MACF1: variants seen among roughly 807,000 people sequenced by gnomAD.
MACF1 encodes microtubule actin crosslinking factor 1.
In MACF1, 193 loss-of-function variants were observed where a neutral mutation model predicts 854.8. That is an observed-to-expected ratio of 0.23 (90% confidence interval 0.20 to 0.25). The LOEUF is 0.25. Among genes scored for constraint, MACF1 ranks in the 10% least tolerant of loss-of-function variants. The pLI, the probability that MACF1 is intolerant of heterozygous loss-of-function variation, is 1.00. For synonymous variants in MACF1, 3,185 were observed against 3,226.7 expected (o/e 0.99, Z 0.44); for missense variants, 7,722 against 8,929.1 (o/e 0.86, Z 5.45).
At chr1:39,243,035 G>A (rs892312447) in intron 2 of MACF1, among the ~76,000 whole-genome samples, 8 of 152,158 alleles carry the variant, frequency 5.3e-5, no homozygotes, top group African/African-American at 9.7e-5. Flanking sequence ...ATTTTCGAAA[G>A]CAACTGCACC....
At chr1:39,267,035 AC>A (rs1645241643) in intron 6 of MACF1, among the ~76,000 whole-genome samples, 1 of 152,310 alleles carries the variant, frequency 6.6e-6, no homozygotes, top group East Asian at 1.9e-4. Flanking sequence ...CAGTCTAATT[AC>A]CAATTCAGAA....
At chr1:39,379,114 A>G in intron 53 of MACF1, 89 bp from the exon 54 acceptor site, 1 of 1,306,830 alleles carries the variant, frequency 7.7e-7, no homozygotes, top group Non-Finnish European at 1.1e-6. Flanking sequence ...TAGAAGGAGT[A>G]AGAGAGATGC....
At chr1:39,111,366 T>TTTTA (rs34525332) in intron 2 of MACF1, among the ~76,000 whole-genome samples, 25,142 of 148,130 alleles carry the variant, frequency 0.17, 2,332 homozygotes, top group Non-Finnish European at 0.21. Flanking sequence ...CAGCTAATTA[T>TTTTA]TTTATTTATT....
intron 47 of MACF1, among the ~76,000 whole-genome samples, chr1:39,360,188 T>C (rs924679483): frequency 1.3e-5 from 2 of 150,916 alleles, no homozygotes; most frequent in Non-Finnish European, 3.0e-5. Context: ...TGTGAGGTAA[T>C]GCATATGTTA....
rs1005625279 is a variant in MACF1 at position 39,095,207 on chromosome 1, C to A, written c.220+10769C>A. Among the ~76,000 whole-genome samples the A allele has an allele frequency of 5.3e-5, 8 of 152,190 alleles. 1 individual carries two copies. Among genetic ancestry groups the A allele is most frequent in the Middle Eastern group, 3.4e-3 (1 of 294 alleles). On this transcript the variant is annotated intron_variant, in intron 2 of 93. Coordinates refer to the MACF1 transcript ENST00000361689. ...CTGCTTGAATTTTCTATGTAGTATT[C>A]CTTCCCCCAGGGTATGGGGCAAGAC...
intron 58 of MACF1, among the ~76,000 whole-genome samples, chr1:39,417,554 G>T (rs2932638): frequency 1.4e-5 from 2 of 141,778 alleles, no homozygotes; most frequent in South Asian, 2.3e-4. Flanking sequence ...AAAAGTTTTT[G>T]TTTTTTTTTT....
intron 2 of MACF1, among the ~76,000 whole-genome samples, chr1:39,156,722 T>A (rs1643695273): frequency 6.6e-6 from 1 of 152,200 alleles, no homozygotes; most frequent in Non-Finnish European, 1.5e-5. Flanking sequence ...CAAGAATCTA[T>A]ATTTGTGTTT....
intron 44 of MACF1, 96 bp from the exon 45 acceptor site, chr1:39,357,276 CAGA>C: frequency 1.6e-6 from 2 of 1,287,206 alleles, no homozygotes; most frequent in South Asian, 2.8e-5. Context: ...TGAATGTAAG[CAGA>C]CCTCACATGG....
intron 2 of MACF1, among the ~76,000 whole-genome samples, chr1:39,165,453 C>T (rs944788850): frequency 1.3e-5 from 2 of 152,202 alleles, no homozygotes; most frequent in Non-Finnish European, 2.9e-5. Context: ...AGAGGGTCAT[C>T]AGCACAAACT....
chr1:39,393,181 TAAAAAAAA>T (rs1192045357), intron 58 of MACF1, among the ~76,000 whole-genome samples: 2 of 90,262 alleles, frequency 2.2e-5, no homozygotes, highest in African/African-American at 4.9e-5. Flanking sequence ...CTGGGAAGGG[TAAAAAAAA>T]AAAAAAAATA....
intron 2 of MACF1, among the ~76,000 whole-genome samples, chr1:39,091,590 A>G (rs1469963612): frequency 6.6e-6 from 1 of 152,034 alleles, no homozygotes. Flanking sequence ...CCACCTCCCA[A>G]ATTCAAGCGA....
intron 99 of MACF1, among the ~76,000 whole-genome samples, chr1:39,482,249 G>A (rs1053920015): frequency 6.6e-6 from 1 of 152,186 alleles, no homozygotes; most frequent in Non-Finnish European, 1.5e-5. Context: ...GCAGCAGTGC[G>A]CAGGAACCTT....
At chr1:39,092,097 T>C (rs1436662239) in intron 2 of MACF1, among the ~76,000 whole-genome samples, 1 of 152,094 alleles carries the variant, frequency 6.6e-6, no homozygotes, top group African/African-American at 2.4e-5. Context: ...AGAGCAATGA[T>C]AGTATTTCTT....
intron 41 of MACF1, among the ~76,000 whole-genome samples, chr1:39,348,907 A>G (rs1446840520): frequency 3.3e-5 from 5 of 152,194 alleles, no homozygotes; most frequent in African/African-American, 1.2e-4. Context: ...CCTTCTCAAA[A>G]TAGCCAAATC....
At chr1:39,306,860 AATTATT>A (rs141461887) in intron 23 of MACF1, among the ~76,000 whole-genome samples, 55 of 144,876 alleles carry the variant, frequency 3.8e-4, no homozygotes, top group South Asian at 6.6e-4. Context: ...CATTTTTTGA[AATTATT>A]ATTATTATTA....
intron 2 of MACF1, among the ~76,000 whole-genome samples, chr1:39,161,549 C>G (rs1643797990): frequency 6.6e-6 from 1 of 151,784 alleles, no homozygotes; most frequent in African/African-American, 2.4e-5. Flanking sequence ...TAAAAACAAG[C>G]AAACAAACAA....
intron 75 of MACF1, 23 bp from the exon 76 acceptor site, chr1:39,442,124 A>C (rs1644132532): frequency 6.3e-7 from 1 of 1,591,064 alleles, no homozygotes; most frequent in Non-Finnish European, 8.5e-7. Flanking sequence ...ATTTGATGTT[A>C]ACATTGAGTG....
At chr1:39,411,593 T>G in intron 58 of MACF1, 2 of 1,613,942 alleles carry the variant, frequency 1.2e-6, no homozygotes, top group Non-Finnish European at 1.7e-6. Flanking sequence ...GAGGGACTTG[T>G]TTCAGATTCA....
intron 26 of MACF1, among the ~76,000 whole-genome samples, chr1:39,313,594 A>G (rs1423050782): frequency 7.2e-6 from 1 of 138,142 alleles, no homozygotes; most frequent in African/African-American, 2.7e-5. Context: ...TTCTTCTTTC[A>G]TTATTTATTT....
Sources: allele counts gnomAD v4.1 joint callset (sites outside exome capture counted in the v4.1 genomes callset), GRCh38; gene constraint gnomAD v4.1.1; transcripts MANE v1.5; gene names NCBI Gene and HGNC (gene_info 2026-07-23, HGNC 2026-07-21).